Variants in NPAS3 observed in about 807,000 individuals in gnomAD.
NPAS3 encodes the protein neuronal PAS domain protein 3.
In NPAS3, 14 loss-of-function variants were observed where a neutral mutation model predicts 73.1. The observed-to-expected ratio is 0.19, with a 90% CI of 0.13 to 0.30. The LOEUF is 0.30. NPAS3 is among the 10% of genes least tolerant of loss of function. The probability of loss-of-function intolerance (pLI) is 1.00; values close to 1 mark genes in which losing one functional copy is unlikely to be tolerated. For missense variants in NPAS3, 1,096 were observed against 1,250.0 expected, an observed-to-expected ratio of 0.88 and a Z score of 1.86; for synonymous variants, 620 against 541.5, an observed-to-expected ratio of 1.14 and a Z score of -2.01.
At chr14:33,769,480 C>T (rs1373305565) in intron 7 of NPAS3, among the ~76,000 whole-genome samples, 1 of 152,212 alleles carries the variant, frequency 6.6e-6, no homozygotes, top group African/African-American at 2.4e-5. Flanking sequence ...GTCCCATTGC[C>T]AATTTCCATT....
chr14:33,627,105 T>G (rs1045014177), intron 5 of NPAS3, among the ~76,000 whole-genome samples: 1 of 152,074 alleles, frequency 6.6e-6, no homozygotes, highest in Non-Finnish European at 1.5e-5. Flanking sequence ...GGAGAGAAAT[T>G]AGTCTAAAAT....
intron 2 of NPAS3, among the ~76,000 whole-genome samples, chr14:33,102,268 G>A (rs2138895348): frequency 6.6e-6 from 1 of 152,258 alleles, no homozygotes; most frequent in Non-Finnish European, 1.5e-5. Context: ...AGTAAGGATT[G>A]ATTTTGAATA....
intron 3 of NPAS3, among the ~76,000 whole-genome samples, chr14:33,274,123 G>T (rs527683165): frequency 6.6e-6 from 1 of 152,172 alleles, no homozygotes; most frequent in Non-Finnish European, 1.5e-5. Context: ...CACAGGAAAC[G>T]CAAGTGTGGT....
At chr14:33,430,072 C>T (rs535695966) in intron 4 of NPAS3, among the ~76,000 whole-genome samples, 1 of 152,144 alleles carries the variant, frequency 6.6e-6, no homozygotes, top group Non-Finnish European at 1.5e-5. Context: ...AAAATCAAAG[C>T]GTAATCTGGC....
At chr14:33,091,856 A>G (rs1262101267) in intron 2 of NPAS3, among the ~76,000 whole-genome samples, 2 of 152,188 alleles carry the variant, frequency 1.3e-5, no homozygotes, top group Non-Finnish European at 2.9e-5. Context: ...TATAAACAGA[A>G]CCAATGACAA....
intron 3 of NPAS3, among the ~76,000 whole-genome samples, chr14:33,261,057 A>T (rs2048958113): frequency 6.6e-6 from 1 of 152,104 alleles, no homozygotes; most frequent in Admixed American, 6.5e-5. Flanking sequence ...CTTTGCATGT[A>T]TTTCTCTTCC....
intron 3 of NPAS3, among the ~76,000 whole-genome samples, chr14:33,259,138 G>GGA (rs1311348517): frequency 1.3e-5 from 2 of 152,154 alleles, no homozygotes; most frequent in Non-Finnish European, 2.9e-5. Context: ...TTTATACTTA[G>GGA]GAAAGAATTG....
chr14:33,359,278 C>T (rs1319481947), intron 3 of NPAS3, among the ~76,000 whole-genome samples: 2 of 152,148 alleles, frequency 1.3e-5, no homozygotes, highest in East Asian at 1.9e-4. Flanking sequence ...CTAGGAAGGC[C>T]TAGAGGGTGA....
At chr14:33,774,844 A>C (rs146468615) in intron 8 of NPAS3, among the ~76,000 whole-genome samples, 2 of 152,294 alleles carry the variant, frequency 1.3e-5, no homozygotes, top group Non-Finnish European at 2.9e-5. Flanking sequence ...GATGCAGTAA[A>C]ATGTATTGCC....
At chr14:33,058,212 A>T (rs770705376) in intron 2 of NPAS3, among the ~76,000 whole-genome samples, 5 of 151,988 alleles carry the variant, frequency 3.3e-5, no homozygotes, top group Non-Finnish European at 7.4e-5. Context: ...GAGTAGGGAG[A>T]TGTAGGCAAA....
intron 4 of NPAS3, among the ~76,000 whole-genome samples, chr14:33,474,494 C>T (rs1028597199): frequency 1.4e-4 from 22 of 152,010 alleles, no homozygotes; most frequent in Admixed American, 2.6e-4. Context: ...CTTTTGTGGA[C>T]GGAGAGGAGG....
intron 3 of NPAS3, among the ~76,000 whole-genome samples, chr14:33,257,861 T>C (rs985717227): frequency 6.6e-6 from 1 of 152,160 alleles, no homozygotes; most frequent in Non-Finnish European, 1.5e-5. Flanking sequence ...ATTTCAAGGG[T>C]ATATTTTATG....
chr14:33,672,169 T>C (rs1448101954), intron 5 of NPAS3, among the ~76,000 whole-genome samples: 1 of 152,190 alleles, frequency 6.6e-6, no homozygotes, highest in African/African-American at 2.4e-5. Context: ...ACAGACACTA[T>C]TCTCTTAAAG....
intron 2 of NPAS3, among the ~76,000 whole-genome samples, chr14:33,198,834 G>C (rs549797802): frequency 2.6e-5 from 4 of 152,224 alleles, no homozygotes; most frequent in Admixed American, 2.6e-4. Context: ...AGCCCACTGT[G>C]GGGGAGCTTG....
At chr14:32,959,720 A>G (rs1265218163) in intron 1 of NPAS3, among the ~76,000 whole-genome samples, 2 of 152,156 alleles carry the variant, frequency 1.3e-5, no homozygotes, top group Admixed American at 1.3e-4. Flanking sequence ...TCATTTCCTC[A>G]GTAACAGCAT....
intron 7 of NPAS3, among the ~76,000 whole-genome samples, chr14:33,766,105 T>C (rs1167877077): frequency 1.3e-5 from 2 of 152,208 alleles, no homozygotes; most frequent in African/African-American, 4.8e-5. Flanking sequence ...TTACTCATTT[T>C]AATAATTTGG....
chr14:33,610,578 A>T (rs1485805178), intron 5 of NPAS3, among the ~76,000 whole-genome samples: 1 of 152,188 alleles, frequency 6.6e-6, no homozygotes, highest in Non-Finnish European at 1.5e-5. Context: ...ATTTTTAAAA[A>T]TTTTAAAAAA....
chr14:32,978,898 A>G (rs923945320), intron 1 of NPAS3, among the ~76,000 whole-genome samples: 1 of 152,156 alleles, frequency 6.6e-6, no homozygotes, highest in Non-Finnish European at 1.5e-5. Context: ...CACCCTTTGA[A>G]GATGTCTTAG....
At chr14:33,369,493 T>A (rs2045992931) in intron 4 of NPAS3, among the ~76,000 whole-genome samples, 1 of 150,472 alleles carries the variant, frequency 6.6e-6, no homozygotes, top group Non-Finnish European at 1.5e-5. Context: ...AAATTTAGAA[T>A]GTTTACATTA....
Sources: gnomAD v4.1 joint callset for allele counts (sites outside exome capture counted in the v4.1 genomes callset) on GRCh38, gnomAD v4.1.1 for gene constraint, MANE v1.5 for transcripts, NCBI Gene and HGNC (gene_info 2026-07-23, HGNC 2026-07-21) for gene names.